The following SDK1 variants were observed in gnomAD, a reference collection of about 807,000 sequenced individuals.
SDK1 encodes protein sidekick-1.
In SDK1, 157 loss-of-function variants were observed where a neutral mutation model predicts 245.5. That is an observed-to-expected ratio of 0.64 (90% CI 0.56 to 0.73). The LOEUF (loss-of-function observed/expected upper bound fraction) is 0.73. SDK1 is among the 30% of genes least tolerant of loss of function. The probability of loss-of-function intolerance (pLI) is 0.00; values close to 1 mark genes in which losing one functional copy is unlikely to be tolerated. For missense variants in SDK1, 3,583 were observed against 3,002.3 expected, an observed-to-expected ratio of 1.19 and a Z score of -4.52; for synonymous variants, 1,647 against 1,278.5, an observed-to-expected ratio of 1.29 and a Z score of -6.15.
intron 4 of SDK1, among the ~76,000 whole-genome samples, chr7:3,706,585 G>T (rs887882171): frequency 6.6e-6 from 1 of 152,122 alleles, no homozygotes; most frequent in African/African-American, 2.4e-5. Flanking sequence ...TGTATTTTTA[G>T]TAGAGATGGG....
intron 28 of SDK1, among the ~76,000 whole-genome samples, chr7:4,142,312 G>A (rs929617531): frequency 1.3e-5 from 2 of 151,894 alleles, no homozygotes; most frequent in African/African-American, 2.4e-5. Flanking sequence ...TTGGTTTTGC[G>A]TTTTTGTTTT....
rs368712992 is a variant in SDK1 at position 3,919,599 on chromosome 7, G to A, written c.848-31324G>A. ...GAGGCATTGACCAAAATCTTACCACGTGTTTTGTGCTCCATAGAATCTATT... is the reference window on the plus strand; with the variant it reads ...GAGGCATTGACCAAAATCTTACCACATGTTTTGTGCTCCATAGAATCTATT... On this transcript the variant is annotated intron_variant, in intron 5 of 44. Transcript: ENST00000404826. Among the ~76,000 whole-genome samples the A allele has an allele frequency of 4.5e-4, 68 of 152,248 alleles. No homozygotes were observed. In the South Asian group the frequency reaches 0.013, roughly 30 times the overall value.
chr7:3,464,194 T>C (rs1036361730), intron 1 of SDK1, among the ~76,000 whole-genome samples: 1 of 152,198 alleles, frequency 6.6e-6, no homozygotes, highest in Non-Finnish European at 1.5e-5. Flanking sequence ...AAGCAGTTTT[T>C]TGGGGACAGA....
intron 20 of SDK1, among the ~76,000 whole-genome samples, chr7:4,073,511 C>T (rs1269873994): frequency 6.6e-6 from 1 of 152,222 alleles, no homozygotes; most frequent in Non-Finnish European, 1.5e-5. Context: ...TCTAGGTCGA[C>T]ATGACAAACA....
intron 9 of SDK1, among the ~76,000 whole-genome samples, chr7:3,966,900 G>A (rs1474654178): frequency 6.6e-6 from 1 of 152,012 alleles, no homozygotes. Context: ...TGCCCAGGCT[G>A]GTCTCAAACT....
intron 4 of SDK1, among the ~76,000 whole-genome samples, chr7:3,721,901 C>G (rs1353032878): frequency 6.6e-6 from 1 of 152,150 alleles, no homozygotes; most frequent in East Asian, 1.9e-4. Flanking sequence ...TCCTGATTTT[C>G]TCTTCATTAT....
rs773652300 is a variant in SDK1, at chr7:4,237,758, A to T, written c.6104A>T (p.Asn2035Ile). ...VVFALVLHGQ[N>I]KKYKNCSTGK... ...TTCGCCCTCGTCCTGCACGGGCAGAATAAGAAGTATAAGAACTGCAGCACA... is the reference window on the plus strand; with the variant it reads ...TTCGCCCTCGTCCTGCACGGGCAGATTAAGAAGTATAAGAACTGCAGCACA... The change falls in exon 42 of 45, where the codon AAT becomes ATT. Residue 2035 changes from asparagine to isoleucine, a missense_variant. Physicochemically the swap from Asn to Ile is moderately radical, Grantham distance 149. Coordinates refer to ENST00000404826, the MANE Select transcript of SDK1 (RefSeq NM_152744.4). 6.8e-6 allele frequency: 11 copies of T among 1,614,150 alleles called. No individual in the cohort carries two copies. Among genetic ancestry groups the T allele is most frequent in the Non-Finnish European group, 9.3e-6 (11 of 1,180,050 alleles).
intron 1 of SDK1, among the ~76,000 whole-genome samples, chr7:3,540,700 C>T (rs754812145): frequency 3.3e-5 from 5 of 152,174 alleles, no homozygotes; most frequent in Admixed American, 6.5e-5. Context: ...CAGTCTGTGA[C>T]ACTGGTATCA....
chr7:3,667,624 C>T (rs950373377), intron 4 of SDK1, among the ~76,000 whole-genome samples: 3 of 152,332 alleles, frequency 2.0e-5, no homozygotes, highest in South Asian at 2.1e-4. Context: ...CCAGGAGACC[C>T]TGGCAGTCAC....
intron 1 of SDK1, among the ~76,000 whole-genome samples, chr7:3,452,181 A>G (rs1397248770): frequency 1.3e-5 from 2 of 152,196 alleles, no homozygotes; most frequent in African/African-American, 4.8e-5. Context: ...TTGTCGTGTC[A>G]GCTTTCTTTA....
chr7:4,105,538 C>T (rs1217662445), intron 22 of SDK1, among the ~76,000 whole-genome samples: 1 of 151,964 alleles, frequency 6.6e-6, no homozygotes, highest in Non-Finnish European at 1.5e-5. Context: ...ATCTCTTGAC[C>T]TCGTGATCCA....
At chr7:3,577,229 A>G (rs977163350) in intron 1 of SDK1, among the ~76,000 whole-genome samples, 2 of 150,998 alleles carry the variant, frequency 1.3e-5, no homozygotes, top group African/African-American at 4.9e-5. Context: ...TCCTTACACT[A>G]CTCTACAAAT....
rs560256828 is a variant in SDK1, at chr7:3,634,618, A to C, written c.459-4386A>C. 5.9e-5 allele frequency among the ~76,000 whole-genome samples: 9 copies of C among 152,344 alleles called. No individual in the cohort carries two copies. In the East Asian group the frequency reaches 9.6e-4, roughly 16 times the overall value. On this transcript the variant is annotated intron_variant, in intron 2 of 44. Transcript: ENST00000404826. The stretch of plus-strand genomic sequence containing the variant: ...TTATCATACTTTCTTATAAAGAGCC[A>C]GGAAACTTTGCCTGCTTAAAAATGT...
chr7:4,154,767 G>C (rs1174424959), intron 30 of SDK1, among the ~76,000 whole-genome samples: 1 of 152,196 alleles, frequency 6.6e-6, no homozygotes, highest in Non-Finnish European at 1.5e-5. Context: ...GGCAGAGCCA[G>C]CATTGGAATT....
chr7:4,079,705 G>T, intron 22 of SDK1, 121 bp downstream of exon 22: 1 of 1,376,582 alleles, frequency 7.3e-7, no homozygotes, highest in East Asian at 2.3e-5. Flanking sequence ...GCTTGGAGAG[G>T]GAGAACCAGG....
chr7:4,113,544 G>A, intron 24 of SDK1, 105 bp downstream of exon 24: 1 of 1,343,512 alleles, frequency 7.4e-7, no homozygotes, highest in Non-Finnish European at 1.0e-6. Context: ...CTTTGTCCTA[G>A]TCAAAACTAA....
At chr7:3,732,962 G>GC (rs1779221446) in intron 4 of SDK1, among the ~76,000 whole-genome samples, 1 of 152,164 alleles carries the variant, frequency 6.6e-6, no homozygotes, top group African/African-American at 2.4e-5. Flanking sequence ...CTAGTTTATA[G>GC]CAAGTAATCT....
intron 4 of SDK1, among the ~76,000 whole-genome samples, chr7:3,793,737 C>T (rs1778882512): frequency 1.3e-5 from 2 of 151,868 alleles, no homozygotes; most frequent in Non-Finnish European, 2.9e-5. Context: ...TCCACATTCA[C>T]AGTACTGGAT....
chr7:3,539,626 C>T (rs1163513197), intron 1 of SDK1, among the ~76,000 whole-genome samples: 2 of 152,174 alleles, frequency 1.3e-5, no homozygotes, highest in Admixed American at 1.3e-4. Context: ...AACCTTGCAT[C>T]TGACATAATT....
Sources: gnomAD v4.1 joint callset for allele counts (sites outside exome capture counted in the v4.1 genomes callset) on GRCh38, gnomAD v4.1.1 for gene constraint, MANE v1.5 for transcripts, NCBI Gene and HGNC (gene_info 2026-07-23, HGNC 2026-07-21) for gene names.